The following PRDM16 variants were observed in gnomAD, a reference collection of about 807,000 sequenced individuals.
PRDM16 encodes PR/SET domain 16.
In PRDM16, 23 loss-of-function variants were observed where a neutral mutation model predicts 110.6. That is an observed-to-expected ratio of 0.21 (90% CI 0.15 to 0.29). The LOEUF (loss-of-function observed/expected upper bound fraction) is 0.29, where lower values mean the gene tolerates loss of function less well. PRDM16 is among the 10% of genes least tolerant of loss of function. PRDM16 has a pLI of 1.00. For synonymous variants in PRDM16, 799 were observed against 781.8 expected, an observed-to-expected ratio of 1.02 and a Z score of -0.37; for missense variants, 1,615 against 1,794.3, an observed-to-expected ratio of 0.90 and a Z score of 1.81.
At chr1:3,413,608 C>T (rs556435030) in intron 9 of PRDM16, among the ~76,000 whole-genome samples, 7 of 152,300 alleles carry the variant, frequency 4.6e-5, no homozygotes, top group African/African-American at 1.4e-4. Context: ...AGACCCTGAG[C>T]AAGTCCTGTC....
At chr1:3,432,342 G>A (rs967061499) in intron 16 of PRDM16, among the ~76,000 whole-genome samples, 8 of 152,208 alleles carry the variant, frequency 5.3e-5, no homozygotes, top group Admixed American at 2.6e-4. Flanking sequence ...GCTGAGAGCC[G>A]ATGACCCTGG....
At chr1:3,222,416 C>A (rs1014788676) in intron 2 of PRDM16, among the ~76,000 whole-genome samples, 5 of 152,218 alleles carry the variant, frequency 3.3e-5, no homozygotes, top group African/African-American at 7.2e-5. Context: ...CTCTCTCCCT[C>A]CCTCCGCCAT....
In PRDM16 at chr1:3,402,982, T is replaced by C; in HGVS notation, c.868T>C (p.Phe290Leu). The C allele has an allele frequency of 6.2e-7, 1 of 1,611,324 alleles. No homozygotes were observed. Among genetic ancestry groups the C allele is most frequent in the Non-Finnish European group, 8.5e-7 (1 of 1,179,160 alleles). ...CGAGTGCAAGGACTGCGAGCGGATG[T>C]TCCCCAACAAGTACAGGTGCCACGC... ...AHECKDCERM[F>L]PNKYSLEQHM... The change falls in exon 6 of 17, where the codon TTC (phenylalanine) becomes CTC (leucine). Residue 290 changes from phenylalanine (F) to leucine (L), a missense_variant. By Grantham distance (22) the Phe-to-Leu change is conservative. This residue lies in a region of PRDM16 where 416 missense variants were observed against 467.1 expected (regional missense o/e 0.89). Coordinates refer to ENST00000270722, the MANE Select transcript of PRDM16 (RefSeq NM_022114.4).
intron 3 of PRDM16, among the ~76,000 whole-genome samples, chr1:3,248,999 A>G (rs1394355326): frequency 6.6e-6 from 1 of 152,202 alleles, no homozygotes. Flanking sequence ...CAGTTACTGG[A>G]GGAGGCCACA....
At chr1:3,293,505 G>A (rs758287383) in intron 3 of PRDM16, among the ~76,000 whole-genome samples, 47 of 152,336 alleles carry the variant, frequency 3.1e-4, no homozygotes, top group African/African-American at 1.9e-4. Context: ...ACGTTGGAAC[G>A]CAAACTTATC....
At position 3,157,569 on chromosome 1, in the gene PRDM16, G is replaced by C. The variant is rs1489469985; in HGVS notation, c.38-28556G>C. On this transcript the variant is annotated intron_variant, in intron 1 of 16. Coordinates refer to ENST00000270722, the MANE Select transcript of PRDM16 (RefSeq NM_022114.4). The surrounding 1 kb of genome is among the most constrained non-coding windows in gnomAD (Gnocchi z 4.8). ...TAGATGAGAAAAAAAAGAGACTGTA[G>C]GTTACAGAGAAGTCATGGGTGGGGA... Among the ~76,000 whole-genome samples, 1 of 152,086 alleles carries C rather than the reference G, an allele frequency of 6.6e-6. No individual in the cohort carries two copies. The highest frequency in any genetic ancestry group is 1.5e-5 in the Non-Finnish European group (1 of 68,030).
chr1:3,388,838 T>C (rs561501757), intron 4 of PRDM16, among the ~76,000 whole-genome samples: 5 of 152,324 alleles, frequency 3.3e-5, no homozygotes, highest in Non-Finnish European at 7.3e-5. Flanking sequence ...GGGCTCCTCC[T>C]GGCCTTCACT....
intron 3 of PRDM16, among the ~76,000 whole-genome samples, chr1:3,323,855 A>G (rs1464948456): frequency 6.6e-6 from 1 of 152,224 alleles, no homozygotes; most frequent in Non-Finnish European, 1.5e-5. Flanking sequence ...AGGCCTGTTC[A>G]GCTTAGAGAC....
At chr1:3,336,895 G>C (rs1350458327) in intron 3 of PRDM16, among the ~76,000 whole-genome samples, 1 of 151,854 alleles carries the variant, frequency 6.6e-6, no homozygotes, top group Admixed American at 6.5e-5. Flanking sequence ...ATCCACATGT[G>C]TGTTGGTGTG....
At chr1:3,259,334 CT>C (rs1488725496) in intron 3 of PRDM16, among the ~76,000 whole-genome samples, 2 of 152,214 alleles carry the variant, frequency 1.3e-5, no homozygotes, top group African/African-American at 4.8e-5. Context: ...ACCATGATGA[CT>C]GTGCCTGGGC....
In PRDM16 at chr1:3,244,939, AT is replaced by A. The variant is rs1045315518; in HGVS notation, c.438+808del. Among the ~76,000 whole-genome samples, 3 of 151,866 alleles carry A rather than the reference AT, an allele frequency of 2.0e-5. No homozygotes were observed. Among genetic ancestry groups the A allele is most frequent in the Non-Finnish European group, 4.4e-5 (3 of 67,986 alleles). On this transcript the variant is annotated intron_variant, in intron 3 of 16. Coordinates refer to ENST00000270722, the MANE Select transcript of PRDM16 (RefSeq NM_022114.4). This position sits in a 1 kb window ranked among gnomAD's most constrained non-coding sequence, Gnocchi z 4.1. ...GCTCACACGTGGTGGCTGATCTCCT[AT>A]TTTTTGGGGGGGGGTTTCTAGTAAA...
At chr1:3,348,503 C>G (rs1642410207) in intron 3 of PRDM16, among the ~76,000 whole-genome samples, 1 of 152,226 alleles carries the variant, frequency 6.6e-6, no homozygotes. Context: ...GTGGGCACGG[C>G]TTCTGCTGCC....
chr1:3,274,841 G>A (rs532453437), intron 3 of PRDM16, among the ~76,000 whole-genome samples: 93 of 152,340 alleles, frequency 6.1e-4, no homozygotes, highest in African/African-American at 2.1e-3. Flanking sequence ...GGGCATGGAG[G>A]CATGAGGAGG....
intron 5 of PRDM16, among the ~76,000 whole-genome samples, chr1:3,401,519 T>C (rs1177015151): frequency 6.6e-6 from 1 of 151,780 alleles, no homozygotes. Context: ...AACATGCACG[T>C]TAGCATACAC....
intron 3 of PRDM16, among the ~76,000 whole-genome samples, chr1:3,347,995 C>T (rs1364415079): frequency 6.6e-6 from 1 of 152,172 alleles, no homozygotes; most frequent in African/African-American, 2.4e-5. Flanking sequence ...CTGTGCATCT[C>T]GGTGGCTCAG....
chr1:3,357,627 C>T (rs1642634575), intron 3 of PRDM16, among the ~76,000 whole-genome samples: 1 of 152,244 alleles, frequency 6.6e-6, no homozygotes, highest in South Asian at 2.1e-4. Context: ...ATCCTCAGTC[C>T]TGTTCTGACG....
chr1:3,143,786 T>G lies in PRDM16; in HGVS notation c.38-42339T>G, dbSNP rs1292990045. 6.6e-6 allele frequency among the ~76,000 whole-genome samples: 1 copy of G among 152,170 alleles called. No homozygotes were observed. Among genetic ancestry groups the G allele is most frequent in the Non-Finnish European group, 1.5e-5 (1 of 68,034 alleles). On this transcript the variant is annotated intron_variant, in intron 1 of 16. Coordinates refer to ENST00000270722, the MANE Select transcript of PRDM16 (RefSeq NM_022114.4). This position sits in a 1 kb window ranked among gnomAD's most constrained non-coding sequence, Gnocchi z 4.5. ...GCCACCGCGTCCGGCTTATTCTTTT[T>G]TTCTAAATAGTGAGGCCCAGAGTGC...
At position 3,243,922 on chromosome 1, in the gene PRDM16, G is replaced by A. The variant is rs997899916; in HGVS notation, c.388-165G>A. On this transcript the variant is annotated intron_variant, in intron 2 of 16. Coordinates refer to ENST00000270722, the MANE Select transcript of PRDM16 (RefSeq NM_022114.4). The surrounding 1 kb of genome is among the most constrained non-coding windows in gnomAD (Gnocchi z 5.5). ...TGGGGGAGCCTCTGCTGGAAGAAGG[G>A]ATACCTGTGATCAATGGAACCCTTC... is the stretch of plus-strand genomic sequence containing the variant. Among the ~76,000 whole-genome samples the A allele has an allele frequency of 6.6e-6, 1 of 152,162 alleles. No homozygotes were observed. The highest frequency in any genetic ancestry group is 1.5e-5 in the Non-Finnish European group (1 of 68,026).
intron 1 of PRDM16, among the ~76,000 whole-genome samples, chr1:3,082,126 G>C (rs1191203573): frequency 6.6e-6 from 1 of 152,172 alleles, no homozygotes; most frequent in Non-Finnish European, 1.5e-5. Context: ...AGATGACCTT[G>C]GACCAAACCA....
Sources: allele counts gnomAD v4.1 joint callset (sites outside exome capture counted in the v4.1 genomes callset), GRCh38; gene constraint gnomAD v4.1.1; regional missense constraint gnomAD v4.1.1; non-coding constraint Gnocchi (gnomAD v3.1); transcripts MANE v1.5; gene names NCBI Gene and HGNC (gene_info 2026-07-23, HGNC 2026-07-21).